Variants in SKAP1 observed in about 807,000 individuals in gnomAD.
The protein encoded by SKAP1 is src kinase-associated phosphoprotein 1.
A neutral mutation model predicts 58.5 loss-of-function variants in SKAP1; 44 were observed. The ratio of observed to expected loss-of-function variants is 0.75; its 90% CI spans 0.59 to 0.97. The LOEUF (loss-of-function observed/expected upper bound fraction) is 0.97, where lower values mean the gene tolerates loss of function less well. Ranked by LOEUF, SKAP1 falls within the 50% of genes least tolerant of loss-of-function variation. SKAP1 has a pLI of 0.00. For missense variants in SKAP1, 390 were observed against 435.2 expected (o/e 0.90, Z 0.92); for synonymous variants, 127 against 149.7 (o/e 0.85, Z 1.11).
rs11079820 is a variant in SKAP1, at chr17:48,396,756, G to T, written c.76C>A (p.Arg26=). The T allele has an allele frequency of 0.062, 99,354 of 1,611,728 alleles. 4,566 individuals carry two copies. Among genetic ancestry groups the T allele is most frequent in the Admixed American group, 0.19 (11,507 of 59,868 alleles). Residue 26 remains arginine, a synonymous_variant, in exon 2 of 13, where the codon CGG becomes AGG. Coordinates refer to ENST00000336915, the MANE Select transcript of SKAP1 (RefSeq NM_003726.4). ...GCAACAGCGCTGAGGTTCTCATTCC[G>T]CAAACCTTCTGCCAGAAACTCTTCA... is the stretch of plus-strand genomic sequence containing the variant. ...DAEEFLAEGL[R]NENLSAVARD...
At chr17:48,292,650 G>A (rs1325316509) in intron 4 of SKAP1, among the ~76,000 whole-genome samples, 2 of 152,124 alleles carry the variant, frequency 1.3e-5, no homozygotes, top group African/African-American at 4.8e-5. Flanking sequence ...TATAGACTTT[G>A]AACCTGTTCA....
intron 3 of SKAP1, among the ~76,000 whole-genome samples, chr17:48,351,461 TA>T (rs1324556359): frequency 6.6e-6 from 1 of 152,082 alleles, no homozygotes; most frequent in East Asian, 1.9e-4. Context: ...CACCTATCTA[TA>T]ATTCAATGTA....
intron 4 of SKAP1, among the ~76,000 whole-genome samples, chr17:48,221,986 T>C (rs1260217713): frequency 6.6e-6 from 1 of 152,196 alleles, no homozygotes; most frequent in African/African-American, 2.4e-5. Context: ...TTGTAGTGAT[T>C]CTGTGATGAA....
At chr17:48,329,475 C>T (rs762249363) in intron 4 of SKAP1, among the ~76,000 whole-genome samples, 2 of 152,112 alleles carry the variant, frequency 1.3e-5, no homozygotes, top group Admixed American at 6.5e-5. Flanking sequence ...GAGGCCAAGG[C>T]GGGAGGATCA....
At chr17:48,358,808 C>T (rs1290381547) in intron 3 of SKAP1, among the ~76,000 whole-genome samples, 1 of 152,114 alleles carries the variant, frequency 6.6e-6, no homozygotes, top group Non-Finnish European at 1.5e-5. Context: ...CTCATTACAA[C>T]TCATAGTAAC....
the SKAP1 span, among the ~76,000 whole-genome samples, chr17:48,440,312 C>T: frequency 6.6e-6 from 1 of 152,186 alleles, no homozygotes; most frequent in African/African-American, 2.4e-5. Context: ...TCCACCAGGG[C>T]AGCTCTACAT....
chr17:48,312,983 A>G (rs956864029), intron 4 of SKAP1, among the ~76,000 whole-genome samples: 1 of 152,220 alleles, frequency 6.6e-6, no homozygotes, highest in African/African-American at 2.4e-5. Flanking sequence ...TTCTGTCTAC[A>G]TCAGGAGAAA....
rs540750308 is a variant in SKAP1, at chr17:48,339,738, T to C, written c.280+6167A>G. The stretch of plus-strand genomic sequence containing the variant: ...TTACCTCTAATCCCTGCATCATTAA[T>C]TCACATACCTCAGTAAACATTGTAA... On this transcript the variant is annotated intron_variant, in intron 4 of 12. Coordinates refer to ENST00000336915, the MANE Select transcript of SKAP1 (RefSeq NM_003726.4). 3.3e-5 allele frequency among the ~76,000 whole-genome samples: 5 copies of C among 152,338 alleles called. No homozygotes were observed. The East Asian group carries it at 9.6e-4, about 29-fold the overall frequency.
intron 5 of SKAP1, among the ~76,000 whole-genome samples, chr17:48,188,954 A>G (rs1328114165): frequency 6.6e-6 from 1 of 152,148 alleles, no homozygotes; most frequent in Non-Finnish European, 1.5e-5. Context: ...TGCCAGGTTC[A>G]CACCCACTGC....
At chr17:48,391,717 T>A (rs2067347661) in intron 2 of SKAP1, among the ~76,000 whole-genome samples, 1 of 151,824 alleles carries the variant, frequency 6.6e-6, no homozygotes. Context: ...GTGGTCAAAT[T>A]ATTGCTATGA....
chr17:48,286,209 CTA>C (rs2065828529), intron 4 of SKAP1, among the ~76,000 whole-genome samples: 1 of 152,112 alleles, frequency 6.6e-6, no homozygotes, highest in African/African-American at 2.4e-5. Flanking sequence ...CTGTATAAGA[CTA>C]AATTTTAGGT....
Position 48,176,785 on chromosome 17 carries a change from C to T in SKAP1, c.826+3269G>A, listed in dbSNP as rs563573502. ...AGTGAGTTTAATGTGATGACCCATGCGTTATTTTGATTACAAAAAAACATT... is the reference window on the plus strand; with the variant it reads ...AGTGAGTTTAATGTGATGACCCATGTGTTATTTTGATTACAAAAAAACATT... On this transcript the variant is annotated intron_variant, in intron 9 of 12. Coordinates refer to ENST00000336915, the MANE Select transcript of SKAP1 (RefSeq NM_003726.4). Among the ~76,000 whole-genome samples the T allele has an allele frequency of 6.6e-5, 10 of 152,096 alleles. No homozygotes were observed. In the South Asian group the frequency reaches 1.0e-3, roughly 16 times the overall value.
chr17:48,158,060 T>A (rs1202620102), intron 11 of SKAP1, among the ~76,000 whole-genome samples: 1 of 150,440 alleles, frequency 6.6e-6, no homozygotes, highest in African/African-American at 2.4e-5. Flanking sequence ...GCCTGTAATC[T>A]CAGCTACTTG....
chr17:48,300,918 T>C (rs1230855816), intron 4 of SKAP1, among the ~76,000 whole-genome samples: 1 of 152,104 alleles, frequency 6.6e-6, no homozygotes, highest in Non-Finnish European at 1.5e-5. Context: ...ATCCTTTAAC[T>C]CCTTTCTCTA....
chr17:48,322,630 A>G (rs1372080128), intron 4 of SKAP1, among the ~76,000 whole-genome samples: 1 of 152,226 alleles, frequency 6.6e-6, no homozygotes, highest in Non-Finnish European at 1.5e-5. Context: ...GAAGACAGGA[A>G]GGGCAAAGGG....
intron 4 of SKAP1, among the ~76,000 whole-genome samples, chr17:48,339,911 G>T (rs552578035): frequency 3.3e-5 from 5 of 152,058 alleles, no homozygotes; most frequent in Admixed American, 2.6e-4. Context: ...GGCCGGGCGC[G>T]GTGGCTCATG....
intron 4 of SKAP1, among the ~76,000 whole-genome samples, chr17:48,241,248 C>T (rs555741954): frequency 6.6e-6 from 1 of 152,132 alleles, no homozygotes; most frequent in African/African-American, 2.4e-5. Context: ...GTTCTGACCC[C>T]TGGATGAACT....
intron 10 of SKAP1, among the ~76,000 whole-genome samples, chr17:48,168,706 A>G (rs887409623): frequency 6.6e-6 from 1 of 152,152 alleles, no homozygotes; most frequent in Non-Finnish European, 1.5e-5. Flanking sequence ...AAAACTAAGT[A>G]GCCCAAACTT....
At position 48,306,736 on chromosome 17, in the gene SKAP1, C is replaced by T. The variant is rs573193357; in HGVS notation, c.280+39169G>A. ...CAATTTTAGAATGAATCAATAACAC[C>T]TTTAGACTACCATCAAGATTGTGAA... On this transcript the variant is annotated intron_variant, in intron 4 of 12. Coordinates refer to ENST00000336915, the MANE Select transcript of SKAP1 (RefSeq NM_003726.4). 3.6e-3 allele frequency among the ~76,000 whole-genome samples: 552 copies of T among 152,232 alleles called. 3 individuals are homozygous for T. Among genetic ancestry groups the T allele is most frequent in the Middle Eastern group, 0.01 (3 of 294 alleles).
Sources: gnomAD v4.1 joint callset for allele counts (sites outside exome capture counted in the v4.1 genomes callset) on GRCh38, gnomAD v4.1.1 for gene constraint, MANE v1.5 for transcripts, NCBI Gene and HGNC (gene_info 2026-07-23, HGNC 2026-07-21) for gene names.